KAZN: variants seen among roughly 807,000 people sequenced by gnomAD.
The protein encoded by KAZN is kazrin.
A neutral mutation model predicts 87.4 loss-of-function variants in KAZN; 40 were observed. That is an observed-to-expected ratio of 0.46 (90% confidence interval 0.36 to 0.60). The LOEUF (loss-of-function observed/expected upper bound fraction) is 0.60. KAZN is among the 20% of genes least tolerant of loss of function. The pLI, the probability that KAZN is intolerant of heterozygous loss-of-function variation, is 0.00. For missense variants in KAZN, 898 were observed against 1,073.9 expected (o/e 0.84, Z 2.29); for synonymous variants, 466 against 458.3 (o/e 1.02, Z -0.22).
At chr1:15,102,722 C>A (rs1163961492) in intron 11 of KAZN, among the ~76,000 whole-genome samples, 3 of 152,144 alleles carry the variant, frequency 2.0e-5, no homozygotes, top group Admixed American at 6.5e-5. Flanking sequence ...GGGAGGCCTG[C>A]GATACGGTGG....
chr1:14,135,171 A>G (rs529795878), intron 1 of KAZN, among the ~76,000 whole-genome samples: 2 of 152,344 alleles, frequency 1.3e-5, no homozygotes, highest in East Asian at 3.9e-4. Context: ...GCTGGACTGC[A>G]GTGGCAGCAG....
At chr1:14,181,366 T>C (rs1646194216) in intron 2 of KAZN, among the ~76,000 whole-genome samples, 1 of 152,270 alleles carries the variant, frequency 6.6e-6, no homozygotes. Flanking sequence ...TGTTTTCTGT[T>C]CAGCATTGCT....
At chr1:14,142,062 C>T (rs1934656) in intron 1 of KAZN, among the ~76,000 whole-genome samples, 91,239 of 150,448 alleles carry the variant, frequency 0.61, 28,623 homozygotes, top group African/African-American at 0.74. Flanking sequence ...CAAGGTTGTT[C>T]TCTTTGTTCC....
At chr1:13,963,179 G>A (rs1641819302) in intron 1 of KAZN, among the ~76,000 whole-genome samples, 1 of 152,008 alleles carries the variant, frequency 6.6e-6, no homozygotes, top group African/African-American at 2.4e-5. Context: ...AGGGGCTGGA[G>A]AGTCAAGGAG....
At chr1:14,818,408 A>G (rs1043776808) in intron 1 of KAZN, among the ~76,000 whole-genome samples, 4 of 152,230 alleles carry the variant, frequency 2.6e-5, no homozygotes, top group Non-Finnish European at 5.9e-5. Context: ...CCAGTGTAAT[A>G]GCGCGTTACC....
chr1:15,068,895 T>C (rs1639385570), intron 8 of KAZN, among the ~76,000 whole-genome samples: 1 of 151,956 alleles, frequency 6.6e-6, no homozygotes. Context: ...ACAGACACGA[T>C]GCCGAGGTGA....
intron 1 of KAZN, among the ~76,000 whole-genome samples, chr1:14,919,009 C>G (rs1658207025): frequency 6.6e-6 from 1 of 151,920 alleles, no homozygotes; most frequent in Non-Finnish European, 1.5e-5. Flanking sequence ...AATATACTTC[C>G]CATCACTACC....
In KAZN at chr1:15,047,104, T is replaced by C. The variant is rs147646409; in HGVS notation, c.726+2945T>C. On this transcript the variant is annotated intron_variant, in intron 4 of 14. Coordinates refer to ENST00000376030, the MANE Select transcript of KAZN (RefSeq NM_201628.3). ...CAGATGCATCTGCCCGTGTGAATGT[T>C]GGCAACTCAGGTTGATTGGTTTATG... 3.6e-3 allele frequency among the ~76,000 whole-genome samples: 541 copies of C among 152,326 alleles called. 2 individuals are homozygous for C. Among genetic ancestry groups the C allele is most frequent in the African/African-American group, 0.012 (510 of 41,582 alleles).
intron 2 of KAZN, among the ~76,000 whole-genome samples, chr1:14,278,143 C>G (rs1272808475): frequency 7.4e-6 from 1 of 135,028 alleles, no homozygotes; most frequent in Non-Finnish European, 1.5e-5. Context: ...GCACTCCAGC[C>G]TGGGCAACAA....
upstream of KAZN, among the ~76,000 whole-genome samples, chr1:14,596,331 C>T (rs1412900340): frequency 1.3e-5 from 2 of 151,944 alleles, no homozygotes; most frequent in African/African-American, 4.8e-5. Context: ...CACACACACA[C>T]ACACACGGCC....
chr1:14,419,930 G>A (rs72870846), intron 2 of KAZN, among the ~76,000 whole-genome samples: 8,668 of 152,184 alleles, frequency 0.057, 798 homozygotes, highest in African/African-American at 0.19. Context: ...AAGAGCGAAA[G>A]AACAAAACTT....
At chr1:13,968,811 CTACATTCTG>C in intron 1 of KAZN, among the ~76,000 whole-genome samples, 1 of 123,594 alleles carries the variant, frequency 8.1e-6, no homozygotes, top group Non-Finnish European at 1.8e-5. Flanking sequence ...AACATCTACT[CTACATTCTG>C]TCTCTCCAGT....
At chr1:14,352,686 A>G (rs1014172235) in intron 2 of KAZN, among the ~76,000 whole-genome samples, 2 of 152,226 alleles carry the variant, frequency 1.3e-5, no homozygotes, top group African/African-American at 2.4e-5. Context: ...CACAAGAGAT[A>G]TAATTGCAGG....
intron 2 of KAZN, among the ~76,000 whole-genome samples, chr1:14,472,888 G>T (rs1170775016): frequency 6.6e-6 from 1 of 152,106 alleles, no homozygotes; most frequent in Non-Finnish European, 1.5e-5. Context: ...GATTAGATAT[G>T]GGCCCTCCCT....
At chr1:13,916,878 T>C (rs182373919) in intron 1 of KAZN, among the ~76,000 whole-genome samples, 8 of 150,846 alleles carry the variant, frequency 5.3e-5, no homozygotes, top group Admixed American at 1.3e-4. Flanking sequence ...TCGGGGAGAA[T>C]GGGGGAGAGG....
At chr1:14,823,030 G>A (rs370877490) in intron 1 of KAZN, among the ~76,000 whole-genome samples, 2 of 152,094 alleles carry the variant, frequency 1.3e-5, no homozygotes, top group African/African-American at 4.8e-5. Flanking sequence ...GGTTCTCTTC[G>A]AAAGCAGGAA....
intron 1 of KAZN, among the ~76,000 whole-genome samples, chr1:14,621,438 G>A (rs1678689600): frequency 6.6e-6 from 1 of 152,192 alleles, no homozygotes; most frequent in African/African-American, 2.4e-5. Context: ...TCTCTATTCT[G>A]CTAGACTCTG....
intron 2 of KAZN, among the ~76,000 whole-genome samples, chr1:14,501,201 C>T (rs1670232577): frequency 6.6e-6 from 1 of 151,848 alleles, no homozygotes; most frequent in African/African-American, 2.4e-5. Context: ...CCTCCAAGAT[C>T]AGAAATAAGA....
chr1:14,685,159 T>C (rs1019712208), intron 1 of KAZN, among the ~76,000 whole-genome samples: 1 of 152,102 alleles, frequency 6.6e-6, no homozygotes, highest in African/African-American at 2.4e-5. Flanking sequence ...AAGTGAGATA[T>C]GAAAGGGAAG....
Sources: allele counts gnomAD v4.1 joint callset (sites outside exome capture counted in the v4.1 genomes callset), GRCh38; gene constraint gnomAD v4.1.1; transcripts MANE v1.5; gene names NCBI Gene and HGNC (gene_info 2026-07-23, HGNC 2026-07-21).